The following DPP10 variants were observed in gnomAD, a reference collection of about 807,000 sequenced individuals.
The protein encoded by DPP10 is inactive dipeptidyl peptidase 10.
DPP10 carries 33 observed loss-of-function variants against 120.9 expected under a neutral mutation model. That is an observed-to-expected ratio of 0.27 (90% confidence interval 0.21 to 0.37). The LOEUF (loss-of-function observed/expected upper bound fraction) is 0.37, where lower values mean the gene tolerates loss of function less well. DPP10 is among the 10% of genes least tolerant of loss of function. The pLI, the probability that DPP10 is intolerant of heterozygous loss-of-function variation, is 1.00. For missense variants in DPP10, 816 were observed against 942.8 expected (o/e 0.87, Z 1.76); for synonymous variants, 337 against 326.1 (o/e 1.03, Z -0.36).
chr2:115,056,045 T>C (rs1705879085), intron 1 of DPP10, among the ~76,000 whole-genome samples: 1 of 152,314 alleles, frequency 6.6e-6, no homozygotes, highest in Admixed American at 6.5e-5. Flanking sequence ...ATAAATAATA[T>C]ATTGCCAAAG....
rs187639195 is a variant in DPP10, at chr2:115,711,029, C to A, written c.577-16787C>A. Among the ~76,000 whole-genome samples the A allele has an allele frequency of 3.7e-4, 56 of 152,192 alleles. 2 individuals carry two copies. The East Asian group carries it at 7.5e-3, about 20-fold the overall frequency. On this transcript the variant is annotated intron_variant, in intron 7 of 25. Coordinates refer to ENST00000410059, the MANE Select transcript of DPP10 (RefSeq NM_020868.6). ...GTTGGAAAAAAATGAAAGAACTGAA[C>A]TGCTGAGATATTTAAAATCTAGAAG...
intron 5 of DPP10, among the ~76,000 whole-genome samples, chr2:115,571,285 G>A (rs1297636983): frequency 6.6e-6 from 1 of 152,000 alleles, no homozygotes; most frequent in Non-Finnish European, 1.5e-5. Flanking sequence ...TGTTACCTGG[G>A]TATATTGCAT....
intron 15 of DPP10, among the ~76,000 whole-genome samples, chr2:115,779,866 G>T (rs113170372): frequency 1.3e-5 from 2 of 151,926 alleles, no homozygotes; most frequent in African/African-American, 2.4e-5. Context: ...ATATTGTTTT[G>T]AGTATTATAA....
At chr2:115,647,104 T>C (rs778052645) in intron 5 of DPP10, among the ~76,000 whole-genome samples, 3 of 152,134 alleles carry the variant, frequency 2.0e-5, no homozygotes, top group African/African-American at 7.2e-5. Context: ...TCCTATGGGC[T>C]CCAGATGCAT....
At chr2:115,239,808 C>T (rs965331946) in intron 1 of DPP10, among the ~76,000 whole-genome samples, 4 of 152,036 alleles carry the variant, frequency 2.6e-5, no homozygotes, top group South Asian at 2.1e-4. Flanking sequence ...TGTGTCCATG[C>T]GTTCTCATTG....
intron 5 of DPP10, among the ~76,000 whole-genome samples, chr2:115,662,243 C>T (rs1308016165): frequency 6.6e-6 from 1 of 152,134 alleles, no homozygotes; most frequent in Non-Finnish European, 1.5e-5. Flanking sequence ...ATAAACCACA[C>T]CTTCTTTATC....
At chr2:115,500,441 A>C (rs1290250307) in intron 4 of DPP10, among the ~76,000 whole-genome samples, 4 of 152,046 alleles carry the variant, frequency 2.6e-5, no homozygotes, top group Non-Finnish European at 1.5e-5. Context: ...CTACTTTTAA[A>C]AATGTATTCT....
At chr2:115,320,065 G>C (rs62167292) in intron 2 of DPP10, among the ~76,000 whole-genome samples, 101,599 of 151,930 alleles carry the variant, frequency 0.67, 34,283 homozygotes, top group Admixed American at 0.75. Context: ...ATTTGTATCT[G>C]TATTGTTTGA....
At position 115,016,526 on chromosome 2, in the gene DPP10, C is replaced by T. The variant is rs1163930244; in HGVS notation, c.61-292713C>T. 2.0e-5 allele frequency among the ~76,000 whole-genome samples: 3 copies of T among 152,048 alleles called. No individual in the cohort carries two copies. In the East Asian group the frequency reaches 5.8e-4, roughly 29 times the overall value. ...AATGGGAGCTAACTAAACTAAAGAG[C>T]TTCTGTACAGCAAAAGAAACTATCA... On this transcript the variant is annotated intron_variant, in intron 1 of 25. Coordinates refer to ENST00000410059, the MANE Select transcript of DPP10 (RefSeq NM_020868.6).
At chr2:115,285,881 T>C (rs2060341562) in intron 1 of DPP10, among the ~76,000 whole-genome samples, 1 of 152,050 alleles carries the variant, frequency 6.6e-6, no homozygotes, top group Non-Finnish European at 1.5e-5. Flanking sequence ...TAGATTGTAG[T>C]TAATGAAGCA....
At chr2:115,171,352 CT>C (rs1358492949) in intron 1 of DPP10, among the ~76,000 whole-genome samples, 1 of 102,038 alleles carries the variant, frequency 9.8e-6, no homozygotes, top group African/African-American at 4.8e-5. Flanking sequence ...CAGAGCGAGA[CT>C]CCATCAAAAA....
intron 1 of DPP10, among the ~76,000 whole-genome samples, chr2:115,240,109 TA>T (rs2058202649): frequency 6.6e-6 from 1 of 152,212 alleles, no homozygotes; most frequent in Admixed American, 6.5e-5. Context: ...ATCCTTTGGA[TA>T]TACACCCAGT....
intron 7 of DPP10, among the ~76,000 whole-genome samples, chr2:115,699,615 A>T (rs574885860): frequency 1.8e-4 from 28 of 152,322 alleles, no homozygotes; most frequent in Admixed American, 5.2e-4. Context: ...TCTCAAAAAG[A>T]AAAACAAACA....
chr2:115,187,146 C>T (rs2054518573), intron 1 of DPP10, among the ~76,000 whole-genome samples: 1 of 145,980 alleles, frequency 6.9e-6, no homozygotes, highest in African/African-American at 2.5e-5. Context: ...ACGCCATTCT[C>T]CTGCCTCAGC....
intron 1 of DPP10, among the ~76,000 whole-genome samples, chr2:114,926,521 A>G (rs151249297): frequency 1.3e-5 from 2 of 152,294 alleles, no homozygotes; most frequent in East Asian, 3.9e-4. Flanking sequence ...GACTGAGCTC[A>G]TTTACTTGAC....
At chr2:114,474,120 G>T (rs1159358089) in intron 1 of DPP10, among the ~76,000 whole-genome samples, 1 of 152,088 alleles carries the variant, frequency 6.6e-6, no homozygotes, top group East Asian at 1.9e-4. Context: ...ACCAGGCCCG[G>T]CTAATATTTT....
chr2:115,765,635 T>C (rs572404622), intron 12 of DPP10, among the ~76,000 whole-genome samples: 1 of 152,142 alleles, frequency 6.6e-6, no homozygotes, highest in South Asian at 2.1e-4. Flanking sequence ...TTTTGTTTCA[T>C]GAGAATAAGT....
At chr2:115,665,236 G>A (rs143216396) in intron 5 of DPP10, among the ~76,000 whole-genome samples, 2 of 152,144 alleles carry the variant, frequency 1.3e-5, no homozygotes, top group African/African-American at 2.4e-5. Flanking sequence ...CAATGTTACC[G>A]TGTTTTAGCC....
At chr2:115,006,284 C>T (rs952737692) in intron 1 of DPP10, among the ~76,000 whole-genome samples, 11 of 151,976 alleles carry the variant, frequency 7.2e-5, no homozygotes, top group African/African-American at 9.7e-5. Context: ...TAAAGACCAT[C>T]GAGACTAGGA....
Sources: gnomAD v4.1 joint callset for allele counts (sites outside exome capture counted in the v4.1 genomes callset) on GRCh38, gnomAD v4.1.1 for gene constraint, MANE v1.5 for transcripts, NCBI Gene and HGNC (gene_info 2026-07-23, HGNC 2026-07-21) for gene names.